Variants in ERGIC3 observed in about 807,000 individuals in gnomAD.
The protein encoded by ERGIC3 is endoplasmic reticulum-Golgi intermediate compartment protein 3.
A neutral mutation model predicts 54.7 loss-of-function variants in ERGIC3; 33 were observed. The observed-to-expected ratio is 0.60, with a 90% confidence interval of 0.46 to 0.81. The LOEUF (loss-of-function observed/expected upper bound fraction) is 0.81. Ranked by LOEUF, ERGIC3 falls within the 30% of genes least tolerant of loss-of-function variation. ERGIC3 has a pLI of 0.00. For missense variants in ERGIC3, 399 were observed against 488.4 expected, an observed-to-expected ratio of 0.82 and a Z score of 1.73; for synonymous variants, 186 against 189.8, an observed-to-expected ratio of 0.98 and a Z score of 0.16.
chr20:35,542,221 G>A (rs1045816366), intron 1 of ERGIC3, 36 bp downstream of exon 1: 6 of 1,591,984 alleles, frequency 3.8e-6, no homozygotes, highest in East Asian at 2.2e-5. Flanking sequence ...CGTGGAGGGG[G>A]GCGTCCTAGA....
intron 4 of ERGIC3, chr20:35,545,022 C>T: frequency 6.6e-6 from 1 of 152,116 alleles, no homozygotes; most frequent in Non-Finnish European, 1.5e-5. Flanking sequence ...AGGCTGGTCT[C>T]AAACTCCTGA....
rs376350265 is a variant in ERGIC3, at chr20:35,557,097, C to T, written c.1004C>T (p.Thr335Met). The T allele has an allele frequency of 1.1e-5, 17 of 1,614,106 alleles. No individual in the cohort carries two copies. Among genetic ancestry groups the T allele is most frequent in the East Asian group, 4.5e-5 (2 of 44,894 alleles). The change falls in exon 11 of 13, where the codon ACG becomes ATG. Residue 335 changes from threonine to methionine, a missense_variant. Coordinates refer to ENST00000348547, the MANE Select transcript of ERGIC3 (RefSeq NM_015966.3). ...CTCTCGCCCATGATGGTGAAGCTGA[C>T]GGAGAAGCACAGGTGAGGATGGGGG... ...YELSPMMVKL[T>M]EKHRSFTHFL...
chr20:35,555,891 T>G, intron 8 of ERGIC3, 142 bp from the exon 9 acceptor site: 4 of 696,840 alleles, frequency 5.7e-6, no homozygotes, highest in South Asian at 5.6e-5. Flanking sequence ...AGGCAGGGAA[T>G]GGGGGATTCT....
intron 5 of ERGIC3, among the ~76,000 whole-genome samples, chr20:35,548,302 C>T (rs771385320): frequency 2.0e-5 from 3 of 152,044 alleles, no homozygotes; most frequent in Non-Finnish European, 4.4e-5. Flanking sequence ...CATAGCAAGA[C>T]CCTATCTCTA....
In ERGIC3 at chr20:35,548,685, G is replaced by C. The variant is rs770890066; in HGVS notation, c.627+11G>C. 4.5e-5 allele frequency: 73 copies of C among 1,614,106 alleles called. No homozygotes were observed. The highest frequency in any genetic ancestry group is 6.2e-5 in the Non-Finnish European group (73 of 1,180,050). ...TTGGAAGTCAATAAGGTATCAGGAG[G>C]GATCAAGACAAGATAGGGCCAGCTG... On this transcript the variant is annotated intron_variant, in intron 6 of 12. Transcript: ENST00000348547.
At chr20:35,544,336 G>A (rs927868881) in intron 4 of ERGIC3, 4 of 233,802 alleles carry the variant, frequency 1.7e-5, no homozygotes, top group Non-Finnish European at 3.4e-5. Context: ...TTACAGGCAT[G>A]AGCCACTGCG....
chr20:35,549,203 T>G (rs1305544477), intron 7 of ERGIC3: 2 of 480,304 alleles, frequency 4.2e-6, no homozygotes, highest in African/African-American at 4.0e-5. Flanking sequence ...GGAGCCTGGC[T>G]TGTGGTAGGT....
chr20:35,542,512 GGTGCA>G lies in ERGIC3; in HGVS notation c.160_164del (p.Val54SerfsTer2). On this transcript the variant is annotated frameshift_variant and splice_region_variant, in exon 3 of 13. Coordinates refer to ENST00000348547, the MANE Select transcript of ERGIC3 (RefSeq NM_015966.3). LOFTEE classifies it high-confidence loss of function. ...GTCTTACTGAGGTAGCGCTGCCCCA[GGTGCA>G]TCCTGAGCTCTACGTGGACAAGTCG... 1 of 1,614,008 alleles carries G rather than the reference GGTGCA, an allele frequency of 6.2e-7. No individual in the cohort carries two copies. The highest frequency in any genetic ancestry group is 8.5e-7 in the Non-Finnish European group (1 of 1,180,008).
In ERGIC3 at chr20:35,542,741, C is replaced by G. The variant is rs1190796473; in HGVS notation, c.248-81C>G. 4 of 1,610,460 alleles carry G rather than the reference C, an allele frequency of 2.5e-6. No individual in the cohort carries two copies. In the South Asian group the frequency reaches 4.4e-5, roughly 18 times the overall value. ...CATCCCGTTCTGCCCCAAGACAGGCCCAGTATCCCCTTCCCCTCCAAAACC... is the reference window on the plus strand; with the variant it reads ...CATCCCGTTCTGCCCCAAGACAGGCGCAGTATCCCCTTCCCCTCCAAAACC... On this transcript the variant is annotated intron_variant, in intron 3 of 12. Coordinates refer to ENST00000348547, the MANE Select transcript of ERGIC3 (RefSeq NM_015966.3).
At chr20:35,544,545 C>T (rs2064637076) in intron 4 of ERGIC3, 1 of 275,870 alleles carries the variant, frequency 3.6e-6, no homozygotes. Flanking sequence ...CTTGAGGGCC[C>T]GTTTGTCCTT....
chr20:35,550,136 T>C (rs1266119118), intron 7 of ERGIC3, among the ~76,000 whole-genome samples: 4 of 151,774 alleles, frequency 2.6e-5, no homozygotes, highest in African/African-American at 9.7e-5. Flanking sequence ...AAAAACTCTT[T>C]GATGAGGTAA....
chr20:35,542,461 G>A (rs1568867723), intron 2 of ERGIC3, 52 bp from the exon 3 acceptor site: 1 of 1,613,680 alleles, frequency 6.2e-7, no homozygotes, highest in Non-Finnish European at 8.5e-7. Flanking sequence ...AGGGGTGGGA[G>A]TGGGGAAGGA....
chr20:35,542,674 C>T, intron 3 of ERGIC3, 74 bp downstream of exon 3: 1 of 1,601,464 alleles, frequency 6.2e-7, no homozygotes, highest in Non-Finnish European at 8.6e-7. Flanking sequence ...ACACCTCCAC[C>T]CTTAGGTTCT....
Position 35,557,512 on chromosome 20 carries a change from C to T in ERGIC3, c.*8C>T, listed in dbSNP as rs746274357. The T allele has an allele frequency of 7.4e-6, 12 of 1,613,200 alleles. No individual in the cohort carries two copies. The highest frequency in any genetic ancestry group is 4.5e-5 in the East Asian group (2 of 44,878). On this transcript the variant is annotated 3_prime_UTR_variant, in exon 13 of 13. Coordinates refer to ENST00000348547, the MANE Select transcript of ERGIC3 (RefSeq NM_015966.3). ...CTAGGGAAGACAACGTAGTCACCCT[C>T]GGTGCTTCCTCTGTCTCCTCTTTCT... is the stretch of plus-strand genomic sequence containing the variant.
intron 7 of ERGIC3, among the ~76,000 whole-genome samples, chr20:35,551,127 A>G (rs2064679453): frequency 6.6e-6 from 1 of 152,036 alleles, no homozygotes; most frequent in Non-Finnish European, 1.5e-5. Flanking sequence ...CCTTGTCTCT[A>G]CTAAAAAATG....
intron 7 of ERGIC3, among the ~76,000 whole-genome samples, chr20:35,550,445 G>A (rs577162022): frequency 1.3e-5 from 2 of 152,088 alleles, no homozygotes; most frequent in East Asian, 1.9e-4. Flanking sequence ...GTGAAACCCT[G>A]TCTCTACCAA....
At position 35,542,909 on chromosome 20, in the gene ERGIC3, G is replaced by T. The variant is rs1242931026; in HGVS notation, c.335G>T (p.Gly112Val). 1 of 1,614,134 alleles carries T rather than the reference G, an allele frequency of 6.2e-7. No homozygotes were observed. Among genetic ancestry groups the T allele is most frequent in the East Asian group, 2.2e-5 (1 of 44,884 alleles). The change falls in exon 4 of 13, where the codon GGC becomes GTC. Residue 112 changes from glycine to valine, a missense_variant. By Grantham distance (109) the Gly-to-Val change is moderately radical. Coordinates refer to ENST00000348547, the MANE Select transcript of ERGIC3 (RefSeq NM_015966.3). ...NLFKQRLDKDGIPVSSEAERH... is the reference protein window; with the variant it reads ...NLFKQRLDKDVIPVSSEAERH... ...TTCAAGCAACGACTAGATAAAGATG[G>T]CATCCCCGTGAGCTCAGAGGCTGAG... is the stretch of plus-strand genomic sequence containing the variant.
chr20:35,549,091 G>C (rs2064667965), intron 7 of ERGIC3: 7 of 662,008 alleles, frequency 1.1e-5, no homozygotes, highest in Non-Finnish European at 2.0e-5. Context: ...GTGTGACTTT[G>C]AGAAGGTTTC....
chr20:35,547,500 T>C lies in ERGIC3; in HGVS notation c.456T>C (p.Asp152=). The C allele has an allele frequency of 6.2e-7, 1 of 1,613,894 alleles. No homozygotes were observed. The highest frequency in any genetic ancestry group is 1.1e-5 in the South Asian group (1 of 91,070). The part of the protein sequence containing the change: ...CESCYGAEAE[D]IKCCNTCEDV... ...GCTGCTATGGTGCTGAGGCAGAAGA[T>C]ATCAAGTGAGCTGGCGGGGAGCGGG... is the stretch of plus-strand genomic sequence containing the variant. Residue 152 remains aspartate (D), a synonymous_variant, in exon 5 of 13, where the codon GAT becomes GAC. Transcript: ENST00000348547.
Sources: gnomAD v4.1 joint callset for allele counts (sites outside exome capture counted in the v4.1 genomes callset) on GRCh38, gnomAD v4.1.1 for gene constraint, MANE v1.5 for transcripts, NCBI Gene and HGNC (gene_info 2026-07-23, HGNC 2026-07-21) for gene names.